The following C8orf34 variants were observed in gnomAD, a reference collection of about 807,000 sequenced individuals.
The protein encoded by C8orf34 is uncharacterized protein C8orf34.
A neutral mutation model predicts 68.3 loss-of-function variants in C8orf34; 65 were observed. The ratio of observed to expected loss-of-function variants is 0.95; its 90% confidence interval spans 0.78 to 1.17. C8orf34 has a LOEUF of 1.17. Ranked by LOEUF, C8orf34 falls within the 50% of genes most tolerant of loss-of-function variation. C8orf34 has a pLI of 0.00. For missense variants in C8orf34, 664 were observed against 655.4 expected (o/e 1.01, Z -0.14); for synonymous variants, 244 against 241.2 (o/e 1.01, Z -0.11).
At position 68,774,327 on chromosome 8, in the gene C8orf34, G is replaced by GTATATATATATATATATA. The variant is rs1332535200; in HGVS notation, c.1405-2071_1405-2070insATATATATATATATATAT. On this transcript the variant is annotated intron_variant, in intron 10 of 13. Coordinates refer to ENST00000518698, the MANE Select transcript of C8orf34 (RefSeq NM_052958.4). ...TATCTATGTATAAAAATATGGGTGT[G>GTATATATATATATATATA]TGTGTATATATATATATATATAAAA... is the stretch of plus-strand genomic sequence containing the variant. Among the ~76,000 whole-genome samples the GTATATATATATATATATA allele has an allele frequency of 4.3e-3, 417 of 96,010 alleles. 25 individuals carry two copies. The highest frequency in any genetic ancestry group is 0.013 in the African/African-American group (279 of 21,516). The allele number at this position is 96,010 out of a possible 152,430, so 63.0% of individuals were successfully genotyped here. A position where few individuals can be genotyped will look rare whatever the true frequency, so the allele number is the denominator to read the frequency against.
At position 68,446,405 on chromosome 8, in the gene C8orf34, A is replaced by G. The variant is rs375971437; in HGVS notation, c.552A>G (p.Ser184=). 1.3e-5 allele frequency: 21 copies of G among 1,613,136 alleles called. No homozygotes were observed. Among genetic ancestry groups the G allele is most frequent in the Non-Finnish European group, 1.6e-5 (19 of 1,179,600 alleles). ...TAAATGCAAAGAAGCCTAAAAAATC[A>G]AAAAGTGACCTTGCTGTGTCTAATA... ...WQLNAKKPKK[S]KSDLAVSNIS... is the part of the protein sequence containing the mutation. The change falls in exon 3 of 14, where the codon TCA becomes TCG. Residue 184 remains serine, a synonymous_variant. Transcript: ENST00000518698.
intron 7 of C8orf34, chr8:68,625,605 C>G: frequency 1.4e-6 from 1 of 701,704 alleles, no homozygotes; most frequent in South Asian, 1.5e-5. Context: ...ATGTGTCAGA[C>G]AGGGAGGCAA....
chr8:68,794,482 A>ATATATATATATAAATATATATATAT lies in C8orf34; in HGVS notation c.1549+6946_1549+6947insTATATATATATAAATATATATATAT, dbSNP rs1824110275. ...TCATTGTGCCCAGTATATAAATATA[A>ATATATATATATAAATATATATATAT]ATATATATATATATATATATATATT... On this transcript the variant is annotated intron_variant, in intron 12 of 13. Coordinates refer to ENST00000518698, the MANE Select transcript of C8orf34 (RefSeq NM_052958.4). Among the ~76,000 whole-genome samples the ATATATATATATAAATATATATATAT allele has an allele frequency of 3.4e-5, 3 of 89,392 alleles. 1 individual carries two copies. Among genetic ancestry groups the ATATATATATATAAATATATATATAT allele is most frequent in the African/African-American group, 1.5e-4 (2 of 12,916 alleles). 58.6% of individuals were successfully genotyped at this position (89,392 alleles called of 152,430 possible).
At chr8:68,734,632 T>C (rs1387636667) in intron 10 of C8orf34, among the ~76,000 whole-genome samples, 1 of 152,174 alleles carries the variant, frequency 6.6e-6, no homozygotes, top group Non-Finnish European at 1.5e-5. Context: ...AGAAACCTCT[T>C]CCTACAGGAT....
chr8:68,518,330 G>A (rs1814604665), intron 5 of C8orf34, among the ~76,000 whole-genome samples: 1 of 151,980 alleles, frequency 6.6e-6, no homozygotes, highest in Non-Finnish European at 1.5e-5. Flanking sequence ...CACACATGTG[G>A]GGCCATTTAT....
At chr8:68,488,988 GT>G (rs34324718) in intron 5 of C8orf34, among the ~76,000 whole-genome samples, 2 of 149,900 alleles carry the variant, frequency 1.3e-5, no homozygotes, top group Non-Finnish European at 3.0e-5. Flanking sequence ...ACGAATTTAC[GT>G]TTTTTTTTAA....
intron 1 of C8orf34, among the ~76,000 whole-genome samples, chr8:68,347,362 C>T (rs1468720737): frequency 1.3e-5 from 2 of 151,984 alleles, no homozygotes; most frequent in African/African-American, 4.8e-5. Context: ...TCCAGTCAGT[C>T]ATTGACAGGT....
chr8:68,755,947 G>C (rs1017717879), intron 10 of C8orf34, among the ~76,000 whole-genome samples: 1 of 151,828 alleles, frequency 6.6e-6, no homozygotes, highest in South Asian at 2.1e-4. Flanking sequence ...GGCGCCTGTA[G>C]TCCCAGCTAC....
intron 1 of C8orf34, among the ~76,000 whole-genome samples, chr8:68,381,092 TA>T (rs1808010966): frequency 6.6e-6 from 1 of 152,212 alleles, no homozygotes; most frequent in African/African-American, 2.4e-5. Context: ...AAAATAAGGT[TA>T]ATGAAGGAAT....
At chr8:68,594,903 C>G (rs557125217) in intron 7 of C8orf34, among the ~76,000 whole-genome samples, 1 of 151,914 alleles carries the variant, frequency 6.6e-6, no homozygotes, top group South Asian at 2.1e-4. Flanking sequence ...CAATTTTAAT[C>G]CTGCTGGCTT....
At chr8:68,790,685 C>T in intron 12 of C8orf34, 1 of 433,942 alleles carries the variant, frequency 2.3e-6, no homozygotes, top group East Asian at 3.4e-5. Flanking sequence ...TGTGAAAAAA[C>T]TTGTGTCAGG....
At chr8:68,811,358 T>C (rs1359550188) in intron 12 of C8orf34, among the ~76,000 whole-genome samples, 2 of 152,218 alleles carry the variant, frequency 1.3e-5, no homozygotes, top group Non-Finnish European at 2.9e-5. Flanking sequence ...GCAGGTGATC[T>C]TCCTGGGCCC....
chr8:68,660,423 C>T (rs943193868), intron 8 of C8orf34, among the ~76,000 whole-genome samples: 1 of 152,192 alleles, frequency 6.6e-6, no homozygotes, highest in Non-Finnish European at 1.5e-5. Flanking sequence ...GCTTTTCACT[C>T]ATGTTAACAG....
intron 3 of C8orf34, chr8:68,447,992 A>C (rs1811193114): frequency 6.6e-6 from 1 of 152,212 alleles, no homozygotes; most frequent in Non-Finnish European, 1.5e-5. Flanking sequence ...AAAATGAATA[A>C]AGGAAGAAAT....
intron 7 of C8orf34, among the ~76,000 whole-genome samples, chr8:68,615,685 A>G (rs1425024522): frequency 2.0e-5 from 3 of 151,630 alleles, no homozygotes; most frequent in Admixed American, 6.6e-5. Flanking sequence ...TGCTGGATTT[A>G]GTTTGCCAGT....
chr8:68,497,380 GGAAACACA>G (rs1813570741), intron 5 of C8orf34, among the ~76,000 whole-genome samples: 1 of 152,160 alleles, frequency 6.6e-6, no homozygotes. Context: ...GTGAGGCACT[GGAAACACA>G]GACAATTTCA....
intron 7 of C8orf34, among the ~76,000 whole-genome samples, chr8:68,619,812 C>T (rs951666450): frequency 2.6e-5 from 4 of 151,946 alleles, no homozygotes; most frequent in Non-Finnish European, 4.4e-5. Flanking sequence ...TAGCAAAATA[C>T]GGATATAAGG....
chr8:68,535,538 A>G (rs908545802), intron 7 of C8orf34: 2 of 894,912 alleles, frequency 2.2e-6, no homozygotes, highest in Non-Finnish European at 2.7e-6. Context: ...TAGTTGAACT[A>G]GTAGAAGTTA....
At position 68,771,705 on chromosome 8, in the gene C8orf34, T is replaced by C. The variant is rs149913325; in HGVS notation, c.1405-4694T>C. On this transcript the variant is annotated intron_variant, in intron 10 of 13. Transcript: ENST00000518698. ...TTTGCTCAAGCACTATTCTTTCCAC[T>C]TCGTCTCCTTCATCACATGTATGCA... Among the ~76,000 whole-genome samples the C allele has an allele frequency of 3.2e-3, 485 of 152,260 alleles. 4 individuals carry two copies. Among genetic ancestry groups the C allele is most frequent in the Admixed American group, 5.0e-3 (76 of 15,290 alleles).
Sources: allele counts gnomAD v4.1 joint callset (sites outside exome capture counted in the v4.1 genomes callset), GRCh38; gene constraint gnomAD v4.1.1; transcripts MANE v1.5; gene names NCBI Gene and HGNC (gene_info 2026-07-23, HGNC 2026-07-21).